The following HIPK2 variants were observed in gnomAD, a reference collection of about 807,000 sequenced individuals.
HIPK2 encodes the protein homeodomain interacting protein kinase 2.
In HIPK2, 27 loss-of-function variants were observed where a neutral mutation model predicts 113.7. That is an observed-to-expected ratio of 0.24 (90% CI 0.17 to 0.33). The LOEUF is 0.33. Ranked by LOEUF, HIPK2 falls within the 10% of genes least tolerant of loss-of-function variation. The pLI is 1.00. For missense variants in HIPK2, 1,257 were observed against 1,588.0 expected, an observed-to-expected ratio of 0.79 and a Z score of 3.54; for synonymous variants, 631 against 642.2, an observed-to-expected ratio of 0.98 and a Z score of 0.26.
chr7:139,754,425 C>A (rs143886550), intron 1 of HIPK2, among the ~76,000 whole-genome samples: 1 of 152,290 alleles, frequency 6.6e-6, no homozygotes, highest in Non-Finnish European at 1.5e-5. Flanking sequence ...CAGACACATT[C>A]CACCACATCA....
chr7:139,647,928 G>A (rs1416885406), intron 2 of HIPK2, among the ~76,000 whole-genome samples: 1 of 152,242 alleles, frequency 6.6e-6, no homozygotes, highest in Admixed American at 6.5e-5. Flanking sequence ...AGCTGTGTAA[G>A]TAGGTCTTTG....
At position 139,730,399 on chromosome 7, in the gene HIPK2, C is replaced by T. The variant is rs550417311; in HGVS notation, c.20-13384G>A. The stretch of plus-strand genomic sequence containing the variant: ...TTTTGGAGACAAAGTCTCACTCTGT[C>T]GCCCAGGCTGGAGTGCAGTGGTGAG... On this transcript the variant is annotated intron_variant, in intron 1 of 14. Transcript: ENST00000406875. 1.4e-3 allele frequency among the ~76,000 whole-genome samples: 215 copies of T among 151,468 alleles called. 1 individual carries two copies. The highest frequency in any genetic ancestry group is 4.3e-3 in the African/African-American group (178 of 41,234).
At chr7:139,709,206 T>A (rs1304573637) in intron 2 of HIPK2, among the ~76,000 whole-genome samples, 2 of 152,166 alleles carry the variant, frequency 1.3e-5, no homozygotes, top group African/African-American at 4.8e-5. Flanking sequence ...CAAATGAAGT[T>A]GTCGGTGGGT....
intron 2 of HIPK2, among the ~76,000 whole-genome samples, chr7:139,694,066 C>G: frequency 6.6e-6 from 1 of 152,044 alleles, no homozygotes; most frequent in East Asian, 1.9e-4. Context: ...TTTTCCTATT[C>G]AATAAATCAT....
intron 10 of HIPK2, among the ~76,000 whole-genome samples, chr7:139,603,363 G>A (rs563575054): frequency 5.6e-4 from 85 of 152,156 alleles, no homozygotes; most frequent in African/African-American, 2.0e-3. Context: ...GGTGGTGTTC[G>A]GGGGAAGGTA....
intron 2 of HIPK2, among the ~76,000 whole-genome samples, chr7:139,660,295 TG>T (rs747866791): frequency 1.3e-3 from 182 of 140,656 alleles, no homozygotes; most frequent in African/African-American, 2.3e-3. Context: ...ACCAATTTTT[TG>T]TTGTTGTTGT....
chr7:139,714,859 G>A lies in HIPK2; in HGVS notation c.1103+1073C>T, dbSNP rs929515635. 2.0e-5 allele frequency among the ~76,000 whole-genome samples: 3 copies of A among 152,162 alleles called. No homozygotes were observed. Among genetic ancestry groups the A allele is most frequent in the Non-Finnish European group, 4.4e-5 (3 of 68,020 alleles). On this transcript the variant is annotated intron_variant, in intron 2 of 14. Coordinates refer to ENST00000406875, the MANE Select transcript of HIPK2 (RefSeq NM_022740.5). The surrounding 1 kb of genome is among the most constrained non-coding windows in gnomAD (Gnocchi z 4.2). ...CCTGCCGCCTCCCCGCTGTGCACCC[G>A]CCATGGCCAGCCACGGAGTGACACA...
intron 13 of HIPK2, among the ~76,000 whole-genome samples, chr7:139,577,561 AG>A (rs1358615616): frequency 1.3e-5 from 2 of 152,312 alleles, no homozygotes; most frequent in East Asian, 3.9e-4. Context: ...GCAGAAAAAG[AG>A]GGGTTTAGTA....
chr7:139,738,281 G>A (rs910037032), intron 1 of HIPK2, among the ~76,000 whole-genome samples: 1 of 152,332 alleles, frequency 6.6e-6, no homozygotes, highest in South Asian at 2.1e-4. Flanking sequence ...GTATGAGAGC[G>A]CCCTATTCTT....
chr7:139,697,094 C>G (rs1472899533), intron 2 of HIPK2, among the ~76,000 whole-genome samples: 1 of 152,196 alleles, frequency 6.6e-6, no homozygotes. Flanking sequence ...AATACTCCCC[C>G]TTTCGCCTCC....
At position 139,572,603 on chromosome 7, in the gene HIPK2, T is replaced by G; in HGVS notation, c.*324A>C. ...TGGGTTCTTGAGCTGGGTTTTTTGT[T>G]ATTGACTTTTTTTTTTTCCTTTTTC... On this transcript the variant is annotated 3_prime_UTR_variant, in exon 15 of 15. Coordinates refer to ENST00000406875, the MANE Select transcript of HIPK2 (RefSeq NM_022740.5). 8.3e-6 allele frequency: 2 copies of G among 241,682 alleles called. No individual in the cohort carries two copies. The highest frequency in any genetic ancestry group is 7.9e-6 in the Non-Finnish European group (1 of 126,770). The allele number at this position is 241,682 out of a possible 1,614,324, so 15.0% of individuals were successfully genotyped here. A position where few individuals can be genotyped will look rare whatever the true frequency, so the allele number is the denominator to read the frequency against.
intron 6 of HIPK2, among the ~76,000 whole-genome samples, chr7:139,625,638 C>T (rs1178831416): frequency 6.6e-6 from 1 of 152,206 alleles, no homozygotes; most frequent in African/African-American, 2.4e-5. Flanking sequence ...TCTTCCTCAT[C>T]CTTCACAGGC....
rs904050081 is a variant in HIPK2 at position 139,565,416 on chromosome 7, C to T, written c.*7511G>A. 6.6e-6 allele frequency: 1 copy of T among 152,142 alleles called. No homozygotes were observed. The highest frequency in any genetic ancestry group is 2.4e-5 in the African/African-American group (1 of 41,416). 9.4% of individuals were successfully genotyped at this position (152,142 alleles called of 1,614,324 possible). A position where few individuals can be genotyped will look rare whatever the true frequency, so the allele number is the denominator to read the frequency against. The stretch of plus-strand genomic sequence containing the variant: ...TAAATGAAAAAAGGAACAAGAAACC[C>T]ACTCAAAACAACTGAACAAATATTT... On this transcript the variant is annotated 3_prime_UTR_variant, in exon 15 of 15. Coordinates refer to ENST00000406875, the MANE Select transcript of HIPK2 (RefSeq NM_022740.5).
chr7:139,598,233 G>T (rs1799290702), intron 11 of HIPK2, among the ~76,000 whole-genome samples: 1 of 152,176 alleles, frequency 6.6e-6, no homozygotes, highest in South Asian at 2.1e-4. Context: ...AATGTATAAT[G>T]AAACTCAGAC....
At chr7:139,614,011 T>C (rs2116789209) in intron 8 of HIPK2, among the ~76,000 whole-genome samples, 1 of 152,292 alleles carries the variant, frequency 6.6e-6, no homozygotes, top group South Asian at 2.1e-4. Flanking sequence ...GCACAAACTA[T>C]GTACTTATTT....
At chr7:139,603,289 A>C (rs559201887) in intron 10 of HIPK2, among the ~76,000 whole-genome samples, 8 of 152,282 alleles carry the variant, frequency 5.3e-5, no homozygotes, top group African/African-American at 1.9e-4. Flanking sequence ...CAATAGGGCC[A>C]TGAGGAGTTG....
chr7:139,734,150 A>G (rs898152403), intron 1 of HIPK2, among the ~76,000 whole-genome samples: 1 of 152,226 alleles, frequency 6.6e-6, no homozygotes, highest in African/African-American at 2.4e-5. Context: ...GTTTTTAAAG[A>G]CAACGTTAAA....
At chr7:139,664,142 A>AAACCAACC (rs35163219) in intron 2 of HIPK2, among the ~76,000 whole-genome samples, 22 of 152,066 alleles carry the variant, frequency 1.4e-4, no homozygotes, top group South Asian at 4.1e-4. Flanking sequence ...ACAAGCAAGC[A>AAACCAACC]AACCAACCAA....
At chr7:139,573,529 CTG>C (rs1798383488) in intron 14 of HIPK2, 132 bp from the exon 15 acceptor site, 8 of 831,098 alleles carry the variant, frequency 9.6e-6, no homozygotes, top group East Asian at 7.7e-5. Flanking sequence ...GGGCTTCCCT[CTG>C]TGTGTTGAGA....
Sources: allele counts gnomAD v4.1 joint callset (sites outside exome capture counted in the v4.1 genomes callset), GRCh38; gene constraint gnomAD v4.1.1; non-coding constraint Gnocchi (gnomAD v3.1); transcripts MANE v1.5; gene names NCBI Gene and HGNC (gene_info 2026-07-23, HGNC 2026-07-21).